Variants in CYFIP2 observed in about 807,000 individuals in gnomAD.
The protein encoded by CYFIP2 is cytoplasmic FMR1 interacting protein 2, also known as cytoplasmic FMR1-interacting protein 2.
A neutral mutation model predicts 158.7 loss-of-function variants in CYFIP2; 29 were observed. The observed-to-expected ratio is 0.18, with a 90% CI of 0.14 to 0.25. The LOEUF is 0.25. Ranked by LOEUF, CYFIP2 falls within the 10% of genes least tolerant of loss-of-function variation. The probability of loss-of-function intolerance (pLI) is 1.00; values close to 1 mark genes in which losing one functional copy is unlikely to be tolerated. For synonymous variants in CYFIP2, 585 were observed against 617.6 expected (o/e 0.95, Z 0.78); for missense variants, 852 against 1,639.5 (o/e 0.52, Z 8.29).
At chr5:157,340,939 C>T (rs1437963889) in intron 22 of CYFIP2, 131 bp from the exon 23 acceptor site, 12 of 763,784 alleles carry the variant, frequency 1.6e-5, no homozygotes, top group Middle Eastern at 2.3e-4. Flanking sequence ...TTATAGTCAA[C>T]CACCTAACAA....
Position 157,324,064 on chromosome 5 carries a change from C to T in CYFIP2, c.1815C>T (p.Leu605=). 3.7e-6 allele frequency: 6 copies of T among 1,612,634 alleles called. No homozygotes were observed. Among genetic ancestry groups the T allele is most frequent in the Admixed American group, 1.7e-5 (1 of 59,964 alleles). The change falls in exon 16 of 31, where the codon CTC becomes CTT. Residue 605 remains leucine, a synonymous_variant. Coordinates refer to ENST00000620254, the MANE Select transcript of CYFIP2 (RefSeq NM_001037333.3). ...HKQSFFFTHL[L]NISEALQQCC... Reference sequence around the variant, plus strand: ...AGTCCTTCTTCTTCACACATCTGCTCAACATCAGTGGTGAGCTGCATCCCA... The same window carrying T: ...AGTCCTTCTTCTTCACACATCTGCTTAACATCAGTGGTGAGCTGCATCCCA...
intron 28 of CYFIP2, 129 bp from the exon 29 acceptor site, chr5:157,389,060 C>G (rs1035879709): frequency 1.1e-5 from 9 of 822,034 alleles, no homozygotes; most frequent in African/African-American, 1.7e-5. Flanking sequence ...GTGCCCTGCT[C>G]TGAACAAGAC....
chr5:157,308,079 A>G (rs1458119059), intron 9 of CYFIP2, among the ~76,000 whole-genome samples: 3 of 152,012 alleles, frequency 2.0e-5, no homozygotes, highest in Non-Finnish European at 4.4e-5. Flanking sequence ...AGGCTGCTGC[A>G]TGAAAGCCAC....
At chr5:157,296,143 G>T (rs952130480) in intron 4 of CYFIP2, among the ~76,000 whole-genome samples, 11 of 152,210 alleles carry the variant, frequency 7.2e-5, no homozygotes, top group Admixed American at 7.2e-4. Flanking sequence ...CTGTTCTTGG[G>T]ACCAACTGGT....
At chr5:157,364,191 T>TGGGGGGGC (rs70984463) in intron 26 of CYFIP2, 1 of 51,562 alleles carries the variant, frequency 1.9e-5, no homozygotes, top group African/African-American at 5.7e-5. Context: ...ACAGTGGAGG[T>TGGGGGGGC]GGGGCGGGGT....
intron 1 of CYFIP2, among the ~76,000 whole-genome samples, chr5:157,268,059 C>T (rs1248749365): frequency 6.6e-6 from 1 of 152,252 alleles, no homozygotes; most frequent in African/African-American, 2.4e-5. Context: ...CAGGGTTCCT[C>T]GTTGGCATTG....
intron 18 of CYFIP2, among the ~76,000 whole-genome samples, chr5:157,327,631 T>C (rs1761129865): frequency 6.6e-6 from 1 of 151,640 alleles, no homozygotes; most frequent in African/African-American, 2.4e-5. Flanking sequence ...AAGAGATGGA[T>C]GGGGAGGCTG....
chr5:157,302,284 T>C (rs1046163729), intron 6 of CYFIP2, among the ~76,000 whole-genome samples: 5 of 152,210 alleles, frequency 3.3e-5, no homozygotes, highest in Non-Finnish European at 7.3e-5. Context: ...GTGCCCGTCA[T>C]CCCATCACCT....
At chr5:157,319,736 A>G (rs1274763656) in intron 13 of CYFIP2, 26 bp from the exon 14 acceptor site, 3 of 1,612,176 alleles carry the variant, frequency 1.9e-6, no homozygotes, top group East Asian at 2.2e-5. Context: ...CATGGTGAAC[A>G]TGACCCTTGG....
rs769006932 is a variant in CYFIP2, at chr5:157,361,147, T to A, written c.2909-321T>A. On this transcript the variant is annotated intron_variant, in intron 25 of 30. Coordinates refer to ENST00000620254, the MANE Select transcript of CYFIP2 (RefSeq NM_001037333.3). This position sits in a 1 kb window ranked among gnomAD's most constrained non-coding sequence, Gnocchi z 4.4. ...CTGACACCTACTAATAAATATTAAT[T>A]CCTGTCATGATTAGGAAGTCAGGCA... is the stretch of plus-strand genomic sequence containing the variant. Among the ~76,000 whole-genome samples, 12 of 152,182 alleles carry A rather than the reference T, an allele frequency of 7.9e-5. No homozygotes were observed. The highest frequency in any genetic ancestry group is 1.6e-4 in the Non-Finnish European group (11 of 68,022).
At chr5:157,306,905 A>C (rs548704341) in intron 8 of CYFIP2, among the ~76,000 whole-genome samples, 8 of 151,716 alleles carry the variant, frequency 5.3e-5, no homozygotes, top group East Asian at 3.9e-4. Context: ...AAAAAAAAAA[A>C]AAAACCGGAA....
intron 1 of CYFIP2, among the ~76,000 whole-genome samples, chr5:157,270,808 T>G (rs1756029754): frequency 6.6e-6 from 1 of 152,200 alleles, no homozygotes; most frequent in Non-Finnish European, 1.5e-5. Context: ...TTCTTGTTAA[T>G]TTTTTTAAAC....
intron 1 of CYFIP2, among the ~76,000 whole-genome samples, chr5:157,284,812 G>A (rs990204405): frequency 5.3e-5 from 8 of 152,186 alleles, no homozygotes; most frequent in Non-Finnish European, 1.2e-4. Context: ...CAGGAATTGA[G>A]TTATTTTAAT....
chr5:157,269,446 G>C (rs754685458), intron 1 of CYFIP2: 3 of 152,220 alleles, frequency 2.0e-5, no homozygotes, highest in Non-Finnish European at 2.9e-5. Flanking sequence ...GAGCAGCACA[G>C]TGAGCATGGG....
chr5:157,391,953 C>T (rs1321659050), intron 30 of CYFIP2, among the ~76,000 whole-genome samples: 1 of 152,092 alleles, frequency 6.6e-6, no homozygotes, highest in Admixed American at 6.5e-5. Context: ...TAATAATAGT[C>T]ATCCTGAGGG....
chr5:157,371,541 C>T (rs1764997004), intron 26 of CYFIP2, among the ~76,000 whole-genome samples: 2 of 152,120 alleles, frequency 1.3e-5, no homozygotes, highest in Admixed American at 1.3e-4. Context: ...TTCTTAGGAT[C>T]ATATTGAATC....
intron 30 of CYFIP2, among the ~76,000 whole-genome samples, chr5:157,391,444 A>T (rs1767276522): frequency 6.6e-6 from 1 of 152,202 alleles, no homozygotes; most frequent in Non-Finnish European, 1.5e-5. Flanking sequence ...ATTAAAAAAT[A>T]ATTCCATTTT....
chr5:157,366,036 CTTCAAAGCAGTT>C lies in CYFIP2; in HGVS notation c.3039+4445_3039+4456del, dbSNP rs556046120. ...ATTAGGGAAATACCTATTAGGTTAG[CTTCAAAGCAGTT>C]TTCAAATTGTACCAATTTATACTCC... On this transcript the variant is annotated intron_variant, in intron 26 of 30. Transcript: ENST00000620254. Among the ~76,000 whole-genome samples, 6 of 152,248 alleles carry C rather than the reference CTTCAAAGCAGTT, an allele frequency of 3.9e-5. No individual in the cohort carries two copies. The South Asian group carries it at 1.2e-3, about 32-fold the overall frequency.
At chr5:157,325,698 C>G in intron 17 of CYFIP2, 60 bp downstream of exon 17, 1 of 1,494,988 alleles carries the variant, frequency 6.7e-7, no homozygotes, top group Non-Finnish European at 9.0e-7. Context: ...GGCAGTTTGC[C>G]AGGGAGATCC....
Sources: gnomAD v4.1 joint callset for allele counts (sites outside exome capture counted in the v4.1 genomes callset) on GRCh38, gnomAD v4.1.1 for gene constraint, Gnocchi (gnomAD v3.1) non-coding constraint, MANE v1.5 for transcripts, NCBI Gene and HGNC (gene_info 2026-07-23, HGNC 2026-07-21) for gene names.